The following ABCA13 variants were observed in gnomAD, a reference collection of about 807,000 sequenced individuals.
ABCA13 encodes the protein ATP-binding cassette sub-family A member 13.
Under a neutral mutation model 478.7 loss-of-function variants are expected in ABCA13, and 476 were observed. The observed-to-expected ratio is 0.99, with a 90% confidence interval of 0.92 to 1.07. ABCA13 has a LOEUF of 1.07. Ranked by LOEUF, ABCA13 falls within the 50% of genes least tolerant of loss-of-function variation. The pLI, the probability that ABCA13 is intolerant of heterozygous loss-of-function variation, is 0.00. For synonymous variants in ABCA13, 2,252 were observed against 2,158.9 expected (o/e 1.04, Z -1.20); for missense variants, 6,060 against 5,910.6 (o/e 1.03, Z -0.83).
chr7:48,625,538 C>G (rs1793589616), intron 59 of ABCA13, among the ~76,000 whole-genome samples: 1 of 152,228 alleles, frequency 6.6e-6, no homozygotes, highest in African/African-American at 2.4e-5. Flanking sequence ...TAGTGCACCT[C>G]CATATCCTCA....
In ABCA13 at chr7:48,245,963, T is replaced by G. The variant is rs756666691; in HGVS notation, c.1592T>G (p.Leu531Arg). 1.2e-5 allele frequency: 20 copies of G among 1,613,808 alleles called. No homozygotes were observed. The highest frequency in any genetic ancestry group is 1.7e-5 in the Non-Finnish European group (20 of 1,179,840). Residue 531 changes from leucine to arginine, a missense_variant, in exon 13 of 62, where the codon CTG becomes CGG. Around this residue, in one of 3 missense-constraint regions of ABCA13, gnomAD observed 4,423 missense variants for 4,309.1 expected, o/e 1.03. Transcript: ENST00000435803. ...AGCATATGGGGTGGTCTCCAGGGAC[T>G]GTTGTGCTATTGTAACTCCTCTGAG... is the stretch of plus-strand genomic sequence containing the variant. Reference protein sequence around the residue: ...NSSIWGGLQGLLCYCNSSETS... With the variant: ...NSSIWGGLQGRLCYCNSSETS...
rs117935140 is a variant in ABCA13 at position 48,525,793 on chromosome 7, G to A, written c.14244+1353G>A. On this transcript the variant is annotated intron_variant, in intron 54 of 61. Transcript: ENST00000435803. Reference sequence around the variant, plus strand: ...GCAGAATGTGCAGGTTTGTTACATAGTTGTAAATGTGTGCTGTGGTGGTTT... The same window carrying A: ...GCAGAATGTGCAGGTTTGTTACATAATTGTAAATGTGTGCTGTGGTGGTTT... Among the ~76,000 whole-genome samples the A allele has an allele frequency of 8.0e-3, 1,175 of 147,750 alleles. 8 individuals carry two copies. The highest frequency in any genetic ancestry group is 0.013 in the Non-Finnish European group (908 of 67,378).
intron 32 of ABCA13, 78 bp from the exon 33 acceptor site, chr7:48,372,090 T>G: frequency 7.2e-7 from 1 of 1,388,194 alleles, no homozygotes; most frequent in Non-Finnish European, 9.7e-7. Flanking sequence ...TGGTCCACCT[T>G]CTTTCTCCTA....
chr7:48,428,090 T>TATC (rs1462644576), intron 42 of ABCA13, among the ~76,000 whole-genome samples: 1 of 152,206 alleles, frequency 6.6e-6, no homozygotes, highest in Admixed American at 6.5e-5. Context: ...GGGACACATT[T>TATC]ATCTTTTCTT....
At chr7:48,499,911 C>T (rs1364004353) in intron 48 of ABCA13, among the ~76,000 whole-genome samples, 1 of 152,186 alleles carries the variant, frequency 6.6e-6, no homozygotes, top group Non-Finnish European at 1.5e-5. Flanking sequence ...ATGAAATCTA[C>T]AACCCAATTA....
intron 20 of ABCA13, among the ~76,000 whole-genome samples, chr7:48,293,060 G>A (rs1480591169): frequency 6.6e-6 from 1 of 152,180 alleles, no homozygotes; most frequent in East Asian, 1.9e-4. Flanking sequence ...GAAGTTGCAT[G>A]CTTTGTAATA....
chr7:48,213,016 C>T (rs1584229875), intron 3 of ABCA13, among the ~76,000 whole-genome samples: 1 of 152,006 alleles, frequency 6.6e-6, no homozygotes, highest in East Asian at 1.9e-4. Flanking sequence ...GAAGATTGTT[C>T]AGATTTTTTC....
At chr7:48,444,764 C>T (rs561388109) in intron 42 of ABCA13, among the ~76,000 whole-genome samples, 73 of 152,270 alleles carry the variant, frequency 4.8e-4, no homozygotes, top group African/African-American at 1.4e-3. Context: ...TCCATTCTAA[C>T]GCATCCCAGG....
At chr7:48,351,141 T>C (rs1808913021) in intron 30 of ABCA13, among the ~76,000 whole-genome samples, 1 of 152,214 alleles carries the variant, frequency 6.6e-6, no homozygotes, top group African/African-American at 2.4e-5. Context: ...CACCATAAGT[T>C]ATATTATTCC....
intron 22 of ABCA13, among the ~76,000 whole-genome samples, chr7:48,297,596 T>C (rs1328205660): frequency 6.6e-6 from 1 of 152,170 alleles, no homozygotes; most frequent in Non-Finnish European, 1.5e-5. Context: ...TCTGTTTCCT[T>C]GGCTGTTCAC....
At chr7:48,486,255 T>C (rs933133433) in intron 47 of ABCA13, among the ~76,000 whole-genome samples, 17 of 152,188 alleles carry the variant, frequency 1.1e-4, no homozygotes, top group African/African-American at 3.9e-4. Context: ...GCATCATTCT[T>C]TGAAGATCTC....
intron 55 of ABCA13, among the ~76,000 whole-genome samples, chr7:48,546,169 A>C (rs1784793522): frequency 6.6e-6 from 1 of 151,914 alleles, no homozygotes; most frequent in African/African-American, 2.4e-5. Flanking sequence ...GCCACTAGCC[A>C]CTTGTAGCAT....
intron 48 of ABCA13, among the ~76,000 whole-genome samples, chr7:48,495,967 G>A (rs560331489): frequency 6.6e-5 from 10 of 151,852 alleles, no homozygotes; most frequent in African/African-American, 2.2e-4. Flanking sequence ...TATCTTTCCC[G>A]TTATTTTATT....
intron 56 of ABCA13, among the ~76,000 whole-genome samples, chr7:48,583,891 T>A (rs1301165961): frequency 6.6e-6 from 1 of 152,248 alleles, no homozygotes; most frequent in African/African-American, 2.4e-5. Context: ...AAACATTGGA[T>A]CAAACTAATA....
intron 54 of ABCA13, 124 bp from the exon 55 acceptor site, chr7:48,528,112 A>G (rs1832998471): frequency 8.1e-6 from 6 of 738,790 alleles, no homozygotes; most frequent in Admixed American, 2.3e-5. Context: ...CAAACCAGCA[A>G]AGTCAACTCA....
chr7:48,272,899 C>A lies in ABCA13; in HGVS notation c.3233C>A (p.Ser1078Tyr), dbSNP rs1257088193. 1.2e-6 allele frequency: 2 copies of A among 1,610,772 alleles called. No homozygotes were observed. Among genetic ancestry groups the A allele is most frequent in the East Asian group, 2.2e-5 (1 of 44,762 alleles). The change falls in exon 17 of 62, where the codon TCT becomes TAT. Residue 1078 changes from serine to tyrosine, a missense_variant. Coordinates refer to ENST00000435803, the MANE Select transcript of ABCA13 (RefSeq NM_152701.5). ...ATAATTGATGAAGATTTTCGTATTT[C>A]TTTATTTCAATATATGAGCCAATTC... Reference protein sequence around the residue: ...LLIIDEDFRISLFQYMSQFFN... With the variant: ...LLIIDEDFRIYLFQYMSQFFN...
At position 48,244,747 on chromosome 7, in the gene ABCA13, A is replaced by G. The variant is rs17132168; in HGVS notation, c.1390+44A>G. ...TATTTGTCCCTGACTCACTAAGAGT[A>G]AATGTGAAATTTATTGGAAAATGGA... On this transcript the variant is annotated intron_variant, in intron 11 of 61. Coordinates refer to ENST00000435803, the MANE Select transcript of ABCA13 (RefSeq NM_152701.5). 5.6e-3 allele frequency: 8,574 copies of G among 1,534,468 alleles called. 398 individuals carry two copies. In the African/African-American group the frequency reaches 0.11, roughly 19 times the overall value.
chr7:48,220,348 A>G (rs886823177), intron 4 of ABCA13, among the ~76,000 whole-genome samples: 8 of 152,360 alleles, frequency 5.3e-5, no homozygotes, highest in African/African-American at 1.9e-4. Flanking sequence ...CAAGTGTTAC[A>G]TACTTGGGTA....
intron 19 of ABCA13, among the ~76,000 whole-genome samples, chr7:48,283,422 A>G (rs941386786): frequency 1.4e-4 from 21 of 152,124 alleles, no homozygotes; most frequent in African/African-American, 4.6e-4. Context: ...GGAGGAGAGG[A>G]GAAGACCTTG....
Sources: allele counts gnomAD v4.1 joint callset (sites outside exome capture counted in the v4.1 genomes callset), GRCh38; gene constraint gnomAD v4.1.1; regional missense constraint gnomAD v4.1.1; transcripts MANE v1.5; gene names NCBI Gene and HGNC (gene_info 2026-07-23, HGNC 2026-07-21).